The following KANTR variants were observed in gnomAD, a reference collection of about 807,000 sequenced individuals.
KANTR encodes the protein KANTR integral membrane protein.
chrX:53,130,364 C>T (rs781851681), downstream of KANTR, among the ~76,000 whole-genome samples: 4 of 111,921 alleles, frequency 3.6e-5, no homozygotes, highest in Admixed American at 3.8e-4. Context: ...ACAGTTCTGT[C>T]ACTTGCGAGT....
At chrX:53,134,394 A>T (rs973938564) in intron 2 of KANTR, among the ~76,000 whole-genome samples, 3 of 110,644 alleles carry the variant, frequency 2.7e-5, no homozygotes, top group Non-Finnish European at 5.7e-5. Flanking sequence ...GCAAAAATCG[A>T]GGAAATGAGA....
exon 3 of KANTR, chrX:53,124,025 T>C (rs1237312533): frequency 5.5e-5 from 11 of 201,344 alleles, no homozygotes; most frequent in African/African-American, 3.3e-4. Flanking sequence ...TTCACCTGCC[T>C]GTAATCCACA....
intron 2 of KANTR, among the ~76,000 whole-genome samples, chrX:53,106,687 G>A (rs1932957772): frequency 9.0e-6 from 1 of 110,568 alleles, no homozygotes; most frequent in Non-Finnish European, 1.9e-5. Context: ...CAGACATACT[G>A]TACCCAGCCC....
chrX:53,113,691 T>G (rs1268868769), intron 2 of KANTR, among the ~76,000 whole-genome samples: 1 of 105,041 alleles, frequency 9.5e-6, no homozygotes, highest in Non-Finnish European at 1.9e-5. Context: ...GCTATTCTCA[T>G]GCCTCAGCCT....
Position 53,115,968 on chromosome X carries a change from A to G in KANTR, c.-804-7501A>G, listed in dbSNP as rs148667121. Among the ~76,000 whole-genome samples the G allele has an allele frequency of 1.8e-4, 20 of 111,678 alleles. No homozygotes were observed. The East Asian group carries it at 5.6e-3, about 31-fold the overall frequency. On this transcript the variant is annotated intron_variant, in intron 2 of 2. Transcript: ENST00000604062. Reference sequence around the variant, plus strand: ...CCATCTTGCTGCCATCTGGACTCCCAAGGTTTGTTGTTGGTCTGTTTTTGT... The same window carrying G: ...CCATCTTGCTGCCATCTGGACTCCCGAGGTTTGTTGTTGGTCTGTTTTTGT...
At chrX:53,129,837 G>C (rs1189273770), downstream of KANTR, among the ~76,000 whole-genome samples, 1 of 91,721 alleles carries the variant, frequency 1.1e-5, no homozygotes, top group Non-Finnish European at 2.2e-5. Flanking sequence ...TTTAAAAAGT[G>C]TTCTCCTTAC....
chrX:53,119,529 A>G (rs781905847), intron 2 of KANTR, among the ~76,000 whole-genome samples: 2 of 111,558 alleles, frequency 1.8e-5, no homozygotes, highest in African/African-American at 6.5e-5. Context: ...TGGAGCATCA[A>G]CATTCCATAT....
intron 2 of KANTR, among the ~76,000 whole-genome samples, chrX:53,101,932 A>G (rs1313064046): frequency 4.6e-5 from 5 of 109,872 alleles, no homozygotes; most frequent in Non-Finnish European, 9.5e-5. Context: ...CCCAGGAGGC[A>G]AAGGCTGCAG....
chrX:53,103,749 A>G lies in KANTR; in HGVS notation c.-805+4141A>G, dbSNP rs141020546. Among the ~76,000 whole-genome samples, 908 of 111,760 alleles carry G rather than the reference A, an allele frequency of 8.1e-3. 8 individuals are homozygous for G. Among genetic ancestry groups the G allele is most frequent in the Non-Finnish European group, 0.014 (746 of 53,139 alleles). On this transcript the variant is annotated intron_variant, in intron 2 of 2. Coordinates refer to ENST00000604062, the Ensembl canonical transcript of KANTR. ...GACTGAAAAAATGGAAACCATTGGA[A>G]TAAAACATCTGCAGATTCCCACCAC... is the stretch of plus-strand genomic sequence containing the variant.
At chrX:53,095,362 T>A (rs1444456647) in intron 1 of KANTR, among the ~76,000 whole-genome samples, 1 of 111,051 alleles carries the variant, frequency 9.0e-6, no homozygotes, top group Non-Finnish European at 1.9e-5. Context: ...CAAAATTCCC[T>A]CCATTCTCAT....
downstream of KANTR, among the ~76,000 whole-genome samples, chrX:53,130,649 G>A (rs782443653): frequency 2.9e-4 from 33 of 112,201 alleles, no homozygotes; most frequent in African/African-American, 1.1e-3. Flanking sequence ...ATAATACATG[G>A]CATGTAGTAA....
downstream of KANTR, among the ~76,000 whole-genome samples, chrX:53,128,932 C>T (rs1282213235): frequency 9.0e-6 from 1 of 110,899 alleles, no homozygotes; most frequent in African/African-American, 3.3e-5. Context: ...TTTTGTTCCT[C>T]CCTTATTAAG....
chrX:53,113,642 C>G (rs782060388), intron 2 of KANTR, among the ~76,000 whole-genome samples: 1 of 96,310 alleles, frequency 1.0e-5, no homozygotes, highest in South Asian at 5.2e-4. Context: ...TGCAGTGGCG[C>G]GATCTCGGCT....
At chrX:53,096,564 G>A (rs782385154) in intron 1 of KANTR, among the ~76,000 whole-genome samples, 1 of 112,278 alleles carries the variant, frequency 8.9e-6, no homozygotes, top group East Asian at 2.8e-4. Flanking sequence ...GATGGCTCAC[G>A]CCTGTAATCC....
At chrX:53,124,940 A>G (rs1742632636) in exon 3 of KANTR, 1 of 111,913 alleles carries the variant, frequency 8.9e-6, no homozygotes, top group Admixed American at 9.5e-5. Flanking sequence ...CAAGTTTGTG[A>G]ACTATTGTTC....
intron 2 of KANTR, among the ~76,000 whole-genome samples, chrX:53,114,802 C>T (rs1304224440): frequency 2.7e-5 from 3 of 111,750 alleles, no homozygotes; most frequent in African/African-American, 9.8e-5. Context: ...TGGGGGCTGG[C>T]CTGGATCCTG....
At chrX:53,139,322 C>T (rs781968492) in intron 2 of KANTR, among the ~76,000 whole-genome samples, 5 of 110,824 alleles carry the variant, frequency 4.5e-5, no homozygotes, top group African/African-American at 9.9e-5. Flanking sequence ...ATGTCTGTGA[C>T]CTAGGGGCTT....
chrX:53,105,659 T>A (rs1282381798), intron 2 of KANTR, among the ~76,000 whole-genome samples: 3 of 98,681 alleles, frequency 3.0e-5, no homozygotes, highest in Non-Finnish European at 6.1e-5. Context: ...CTGGTTAATT[T>A]TTTTTTTTTT....
chrX:53,108,857 C>T (rs1556813283), intron 2 of KANTR, among the ~76,000 whole-genome samples: 2 of 111,190 alleles, frequency 1.8e-5, no homozygotes, highest in African/African-American at 6.5e-5. Flanking sequence ...CACACCACCA[C>T]ACCCAGCTGA....
Sources: allele counts gnomAD v4.1 joint callset (sites outside exome capture counted in the v4.1 genomes callset), GRCh38; gene constraint gnomAD v4.1.1; transcripts MANE v1.5; gene names NCBI Gene and HGNC (gene_info 2026-07-23, HGNC 2026-07-21).